The following RBM23 variants were observed in gnomAD, a reference collection of about 807,000 sequenced individuals.
RBM23 encodes the protein RNA binding motif protein 23, also known as probable RNA-binding protein 23.
Under a neutral mutation model 56.2 loss-of-function variants are expected in RBM23, and 53 were observed. The observed-to-expected ratio is 0.94, with a 90% CI of 0.76 to 1.19. The LOEUF (loss-of-function observed/expected upper bound fraction) is 1.19, where lower values mean the gene tolerates loss of function less well. Among genes scored for constraint, RBM23 ranks in the 50% most tolerant of loss-of-function variants. The probability of loss-of-function intolerance (pLI) is 0.00; values close to 1 mark genes in which losing one functional copy is unlikely to be tolerated. For missense variants in RBM23, 642 were observed against 590.3 expected, an observed-to-expected ratio of 1.09 and a Z score of -0.91; for synonymous variants, 197 against 198.5, an observed-to-expected ratio of 0.99 and a Z score of 0.06.
chr14:22,906,666 G>C (rs745695351), intron 4 of RBM23, among the ~76,000 whole-genome samples: 2 of 152,252 alleles, frequency 1.3e-5, no homozygotes, highest in Non-Finnish European at 2.9e-5. Flanking sequence ...GGGAAGGATG[G>C]AAGGATGGAA....
At chr14:22,913,251 A>G (rs988672923) in intron 1 of RBM23, among the ~76,000 whole-genome samples, 34 of 151,130 alleles carry the variant, frequency 2.2e-4, no homozygotes, top group African/African-American at 8.3e-4. Flanking sequence ...TGTCTCTACT[A>G]AAAATACAAA....
intron 1 of RBM23, chr14:22,911,639 G>A (rs543752387): frequency 3.7e-5 from 11 of 300,530 alleles, no homozygotes; most frequent in African/African-American, 1.5e-4. Flanking sequence ...TAGTCCGGGC[G>A]CAGTGGCTCA....
intron 2 of RBM23, among the ~76,000 whole-genome samples, chr14:22,910,901 C>T (rs1300212793): frequency 1.3e-5 from 2 of 152,136 alleles, no homozygotes; most frequent in African/African-American, 4.8e-5. Context: ...ATCCTAGCTA[C>T]TTGGGACGCT....
chr14:22,908,569 T>A (rs922147613), intron 3 of RBM23, 189 bp from the exon 4 acceptor site: 1 of 551,096 alleles, frequency 1.8e-6, no homozygotes, highest in Non-Finnish European at 3.1e-6. Context: ...ATTTTTTATA[T>A]TTTTAGTAGA....
chr14:22,895,662 C>T lies in RBM23; in HGVS notation c.*6068G>A, dbSNP rs1180177347. Reference sequence around the variant, plus strand: ...ACTTAGCTGGGCATAGTGGCACATACCTGTAGTTCCAGCTAATCAAGAGGA... The same window carrying T: ...ACTTAGCTGGGCATAGTGGCACATATCTGTAGTTCCAGCTAATCAAGAGGA... On this transcript the variant is annotated 3_prime_UTR_variant, in exon 14 of 14. Coordinates refer to ENST00000359890, the MANE Select transcript of RBM23 (RefSeq NM_001077351.2). 6.6e-6 allele frequency: 1 copy of T among 152,376 alleles called. No homozygotes were observed. Among genetic ancestry groups the T allele is most frequent in the African/African-American group, 2.4e-5 (1 of 41,442 alleles). The allele number at this position is 152,376 out of a possible 1,614,324, so 9.4% of individuals were successfully genotyped here.
intron 10 of RBM23, chr14:22,902,911 A>G (rs747417380): frequency 5.3e-5 from 36 of 678,320 alleles, no homozygotes; most frequent in Middle Eastern, 7.6e-4. Flanking sequence ...AGTAGCTGGA[A>G]TTACAGGCAC....
At chr14:22,911,611 G>C (rs1044954711) in intron 1 of RBM23, 2 of 400,218 alleles carry the variant, frequency 5.0e-6, no homozygotes, top group African/African-American at 4.1e-5. Flanking sequence ...CGACTTTGTG[G>C]CTTGGAACAG....
rs909061536 is a variant in RBM23, at chr14:22,906,304, A to C, written c.292T>G (p.Cys98Gly). The C allele has an allele frequency of 1.9e-6, 3 of 1,614,126 alleles. No individual in the cohort carries two copies. In the African/African-American group the frequency reaches 4.0e-5, roughly 22 times the overall value. ...NSRSRSPGRQ[C>G]RHRSRSWDRR... ...TCCCAGCTACGGCTACGGTGACGAC[A>C]CTGCCGACCTGGACTTCGGCTCCGA... Residue 98 changes from cysteine (C) to glycine (G), a missense_variant, in exon 5 of 14, where the codon TGT becomes GGT. By Grantham distance (159) the Cys-to-Gly change is radical. Transcript: ENST00000359890.
rs1318976370 is a variant in RBM23 at position 22,900,556 on chromosome 14, A to G, written c.*1174T>C. The G allele has an allele frequency of 6.6e-6, 1 of 152,200 alleles. No homozygotes were observed. The highest frequency in any genetic ancestry group is 1.5e-5 in the Non-Finnish European group (1 of 68,040). The allele number at this position is 152,200 out of a possible 1,614,324, so 9.4% of individuals were successfully genotyped here. On this transcript the variant is annotated 3_prime_UTR_variant, in exon 14 of 14. Coordinates refer to ENST00000359890, the MANE Select transcript of RBM23 (RefSeq NM_001077351.2). ...TAGATGGAGAAGACAACCATAGATC[A>G]ACAGTGTAATGCAGATACAGAATGG...
intron 5 of RBM23, chr14:22,905,962 C>A: frequency 1.6e-6 from 1 of 610,774 alleles, no homozygotes; most frequent in South Asian, 2.0e-5. Context: ...GTTGTCCTGG[C>A]TGGTCTTGAA....
chr14:22,903,345 C>G, intron 10 of RBM23: 1 of 985,456 alleles, frequency 1.0e-6, no homozygotes, highest in Non-Finnish European at 1.2e-6. Flanking sequence ...AATGCAAGGG[C>G]AAAAATGCCC....
chr14:22,915,808 G>A (rs1385004776), intron 1 of RBM23, among the ~76,000 whole-genome samples: 1 of 152,160 alleles, frequency 6.6e-6, no homozygotes, highest in Non-Finnish European at 1.5e-5. Context: ...ACTTCTTCCA[G>A]TAACACTTTA....
At chr14:22,904,074 G>A (rs2041092251) in intron 10 of RBM23, 187 bp downstream of exon 10, 1 of 1,523,448 alleles carries the variant, frequency 6.6e-7, no homozygotes, top group Non-Finnish European at 8.8e-7. Flanking sequence ...ACAGAGTGTA[G>A]GAGCAAAGCC....
rs1022203775 is a variant in RBM23, at chr14:22,914,595, G to A, written c.-10-3192C>T. On this transcript the variant is annotated intron_variant, in intron 1 of 13. Transcript: ENST00000359890. ...TTTAATGTATACAGTTTTATCGTGT[G>A]CCCATTAAATGTACCTCAATCATGC... 5.9e-5 allele frequency among the ~76,000 whole-genome samples: 9 copies of A among 152,028 alleles called. No homozygotes were observed. The South Asian group carries it at 6.2e-4, about 11-fold the overall frequency.
At chr14:22,911,641 A>G (rs8006396) in intron 1 of RBM23, 149,216 of 254,516 alleles carry the variant, frequency 0.59, 45,512 homozygotes, top group East Asian at 0.79. Flanking sequence ...GTCCGGGCGC[A>G]GTGGCTCACA....
In RBM23 at chr14:22,904,949, G is replaced by A. The variant is rs756031001; in HGVS notation, c.790C>T (p.Arg264Cys). 1.2e-5 allele frequency: 19 copies of A among 1,614,094 alleles called. No homozygotes were observed. Among genetic ancestry groups the A allele is most frequent in the African/African-American group, 2.7e-5 (2 of 74,932 alleles). The stretch of plus-strand genomic sequence containing the variant: ...AAGTGCAGGGAACCCACATAGAGGC[G>A]CATTGGTCCACCATTGCCCTTTTGC... Reference protein sequence around the residue: ...NLQKGNGGPMRLYVGSLHFNI... With the variant: ...NLQKGNGGPMCLYVGSLHFNI... Residue 264 changes from arginine to cysteine, a missense_variant, in exon 9 of 14, where the codon CGC (arginine) becomes TGC (cysteine). Transcript: ENST00000359890.
chr14:22,910,470 AAAAAAG>A, intron 2 of RBM23, among the ~76,000 whole-genome samples: 1 of 147,424 alleles, frequency 6.8e-6, no homozygotes, highest in Non-Finnish European at 1.5e-5. Flanking sequence ...AAAAAAAAAA[AAAAAAG>A]AAAGGAAAAA....
chr14:22,904,044 C>G, intron 10 of RBM23: 1 of 1,498,308 alleles, frequency 6.7e-7, no homozygotes, highest in South Asian at 1.2e-5. Flanking sequence ...CTCCTGAACA[C>G]CCCCATACCA....
At chr14:22,912,643 C>CT (rs963108542) in intron 1 of RBM23, among the ~76,000 whole-genome samples, 1 of 151,422 alleles carries the variant, frequency 6.6e-6, no homozygotes, top group African/African-American at 2.4e-5. Flanking sequence ...CAGAAACCAG[C>CT]CCCCCCCACA....
Sources: allele counts gnomAD v4.1 joint callset (sites outside exome capture counted in the v4.1 genomes callset), GRCh38; gene constraint gnomAD v4.1.1; transcripts MANE v1.5; gene names NCBI Gene and HGNC (gene_info 2026-07-23, HGNC 2026-07-21).